KCTD8: variants seen among roughly 807,000 people sequenced by gnomAD.
The protein encoded by KCTD8 is BTB/POZ domain-containing protein KCTD8.
In KCTD8, 27 loss-of-function variants were observed where a neutral mutation model predicts 31.5. The observed-to-expected ratio is 0.86, with a 90% confidence interval of 0.63 to 1.18. The LOEUF (loss-of-function observed/expected upper bound fraction) is 1.18. KCTD8 is among the 50% of genes most tolerant of loss of function. The pLI is 0.00. For synonymous variants in KCTD8, 290 were observed against 280.0 expected, an observed-to-expected ratio of 1.04 and a Z score of -0.36; for missense variants, 658 against 647.7, an observed-to-expected ratio of 1.02 and a Z score of -0.17.
chr4:44,276,500 T>C (rs11723747), intron 1 of KCTD8, among the ~76,000 whole-genome samples: 35,014 of 151,842 alleles, frequency 0.23, 4,774 homozygotes, highest in Non-Finnish European at 0.31. Flanking sequence ...TTGGGCTTTA[T>C]CCCTTGTGGT....
At chr4:44,324,468 G>A (rs1294846651) in intron 1 of KCTD8, among the ~76,000 whole-genome samples, 1 of 152,010 alleles carries the variant, frequency 6.6e-6, no homozygotes, top group East Asian at 1.9e-4. Flanking sequence ...CTGATCTGAT[G>A]CATTTACTTC....
intron 1 of KCTD8, among the ~76,000 whole-genome samples, chr4:44,271,680 A>C (rs1030869074): frequency 3.3e-5 from 5 of 152,186 alleles, no homozygotes; most frequent in African/African-American, 1.2e-4. Context: ...AGCATGAGCG[A>C]TCTGTGCCTT....
At chr4:44,347,025 T>C (rs1322305440) in intron 1 of KCTD8, among the ~76,000 whole-genome samples, 1 of 152,170 alleles carries the variant, frequency 6.6e-6, no homozygotes, top group Admixed American at 6.5e-5. Context: ...ACACGTTATA[T>C]TGAATGATAC....
intron 1 of KCTD8, among the ~76,000 whole-genome samples, chr4:44,312,271 A>C (rs1717976900): frequency 6.6e-6 from 1 of 152,058 alleles, no homozygotes; most frequent in African/African-American, 2.4e-5. Context: ...GGGTGTTTTA[A>C]GTCAGGTAAC....
chr4:44,288,703 C>A (rs1274557123), intron 1 of KCTD8, among the ~76,000 whole-genome samples: 2 of 151,978 alleles, frequency 1.3e-5, no homozygotes, highest in Non-Finnish European at 2.9e-5. Flanking sequence ...TCTTCTATCT[C>A]AGATATACAA....
intron 1 of KCTD8, among the ~76,000 whole-genome samples, chr4:44,276,869 A>T (rs895714176): frequency 1.1e-4 from 17 of 152,112 alleles, no homozygotes; most frequent in African/African-American, 3.6e-4. Context: ...ATTTTTTCAG[A>T]CAAAGAATGG....
chr4:44,359,512 A>G (rs1328092116), intron 1 of KCTD8, among the ~76,000 whole-genome samples: 1 of 152,218 alleles, frequency 6.6e-6, no homozygotes, highest in Non-Finnish European at 1.5e-5. Context: ...AACAACATAT[A>G]TAGGAAATAT....
chr4:44,384,485 A>G (rs1214548399), intron 1 of KCTD8, among the ~76,000 whole-genome samples: 2 of 152,054 alleles, frequency 1.3e-5, no homozygotes, highest in African/African-American at 4.8e-5. Context: ...TTGCAGCACA[A>G]TGGATAAGCC....
At chr4:44,276,871 A>G in intron 1 of KCTD8, among the ~76,000 whole-genome samples, 1 of 151,992 alleles carries the variant, frequency 6.6e-6, no homozygotes. Context: ...TTTTTCAGAC[A>G]AAGAATGGGA....
At chr4:44,351,290 G>A (rs1719187440) in intron 1 of KCTD8, among the ~76,000 whole-genome samples, 1 of 152,072 alleles carries the variant, frequency 6.6e-6, no homozygotes, top group East Asian at 1.9e-4. Context: ...ATTAATAAAT[G>A]ACGTTCTGGG....
intron 1 of KCTD8, among the ~76,000 whole-genome samples, chr4:44,232,152 C>G (rs564144092): frequency 2.0e-5 from 3 of 152,130 alleles, no homozygotes; most frequent in Non-Finnish European, 2.9e-5. Context: ...ACTAAATTAT[C>G]CAGAAACAGC....
At chr4:44,216,182 T>C (rs776845856) in intron 1 of KCTD8, among the ~76,000 whole-genome samples, 4 of 152,184 alleles carry the variant, frequency 2.6e-5, no homozygotes, top group Non-Finnish European at 5.9e-5. Flanking sequence ...ATAAACATCT[T>C]AGAATTTCAA....
intron 1 of KCTD8, among the ~76,000 whole-genome samples, chr4:44,403,785 A>G (rs1259711690): frequency 2.0e-5 from 3 of 152,202 alleles, no homozygotes; most frequent in Non-Finnish European, 4.4e-5. Flanking sequence ...TTGAGAGAAC[A>G]CAATTCAGCC....
intron 1 of KCTD8, among the ~76,000 whole-genome samples, chr4:44,315,792 T>C (rs1258195880): frequency 6.6e-6 from 1 of 152,180 alleles, no homozygotes; most frequent in Non-Finnish European, 1.5e-5. Context: ...GTTCTCAGGT[T>C]CCATGTTGCT....
chr4:44,214,841 T>C (rs1420340149), intron 1 of KCTD8, among the ~76,000 whole-genome samples: 2 of 152,184 alleles, frequency 1.3e-5, no homozygotes, highest in African/African-American at 2.4e-5. Flanking sequence ...TTAAAAGTAA[T>C]AGTTTAGGAG....
Position 44,405,139 on chromosome 4 carries a change from T to C in KCTD8, c.961+42424A>G, listed in dbSNP as rs555930876. On this transcript the variant is annotated intron_variant, in intron 1 of 1. Transcript: ENST00000360029. ...TACCAGCTTTTGTTCCAACCAAGGATTGACAACACCCTTACGTGCTTACAT... is the reference window on the plus strand; with the variant it reads ...TACCAGCTTTTGTTCCAACCAAGGACTGACAACACCCTTACGTGCTTACAT... Among the ~76,000 whole-genome samples the C allele has an allele frequency of 2.6e-4, 40 of 152,192 alleles. No individual in the cohort carries two copies. In the South Asian group the frequency reaches 6.0e-3, roughly 23 times the overall value.
intron 1 of KCTD8, among the ~76,000 whole-genome samples, chr4:44,432,534 A>G (rs1721529996): frequency 6.6e-6 from 1 of 151,692 alleles, no homozygotes; most frequent in Non-Finnish European, 1.5e-5. Flanking sequence ...CCAGCATCCC[A>G]GGTGATACTA....
chr4:44,288,340 TA>T (rs1717164568), intron 1 of KCTD8, among the ~76,000 whole-genome samples: 1 of 152,220 alleles, frequency 6.6e-6, no homozygotes, highest in South Asian at 2.1e-4. Flanking sequence ...GATTAGTACA[TA>T]AAAACTTTCT....
intron 1 of KCTD8, among the ~76,000 whole-genome samples, chr4:44,260,059 G>A (rs979920661): frequency 6.6e-6 from 1 of 151,664 alleles, no homozygotes; most frequent in East Asian, 1.9e-4. Flanking sequence ...ACAATGAATT[G>A]TATACTAGTC....
Sources: gnomAD v4.1 joint callset for allele counts (sites outside exome capture counted in the v4.1 genomes callset) on GRCh38, gnomAD v4.1.1 for gene constraint, MANE v1.5 for transcripts, NCBI Gene and HGNC (gene_info 2026-07-23, HGNC 2026-07-21) for gene names.